TANC2: variants seen among roughly 807,000 people sequenced by gnomAD.
The protein encoded by TANC2 is tetratricopeptide repeat, ankyrin repeat and coiled-coil containing 2.
In TANC2, 26 loss-of-function variants were observed where a neutral mutation model predicts 210.5. The ratio of observed to expected loss-of-function variants is 0.12; its 90% CI spans 0.09 to 0.17. The LOEUF is 0.17. Among genes scored for constraint, TANC2 ranks in the 10% least tolerant of loss-of-function variants. The pLI is 1.00. For missense variants in TANC2, 2,129 were observed against 2,608.9 expected (o/e 0.82, Z 4.01); for synonymous variants, 931 against 967.1 (o/e 0.96, Z 0.69).
exon 21 of TANC2, chr17:63,406,210 C>T (rs1432297658): frequency 1.2e-6 from 2 of 1,613,848 alleles, no homozygotes; most frequent in African/African-American, 2.7e-5. Flanking sequence ...ACAAGCAGGG[C>T]CGCACTCCCC....
At chr17:63,224,666 A>G (rs778485622) in intron 7 of TANC2, among the ~76,000 whole-genome samples, 1 of 152,296 alleles carries the variant, frequency 6.6e-6, no homozygotes, top group South Asian at 2.1e-4. Context: ...TATTAACTGC[A>G]CTTAGAGAGG....
intron 14 of TANC2, among the ~76,000 whole-genome samples, chr17:63,364,787 TAA>T (rs948340292): frequency 2.1e-5 from 3 of 142,400 alleles, no homozygotes; most frequent in African/African-American, 7.7e-5. Flanking sequence ...CCCTGACTCT[TAA>T]AAAAAAAAAA....
intron 8 of TANC2, among the ~76,000 whole-genome samples, chr17:63,261,863 T>G (rs2043367242): frequency 6.6e-6 from 1 of 152,218 alleles, no homozygotes; most frequent in Non-Finnish European, 1.5e-5. Flanking sequence ...GTATCTTTCA[T>G]GTAATTGAAG....
exon 12 of TANC2, chr17:63,340,136 C>G: frequency 6.2e-7 from 1 of 1,613,864 alleles, no homozygotes; most frequent in Non-Finnish European, 8.5e-7. Flanking sequence ...CAGATAATGC[C>G]TACACTTGCT....
chr17:62,969,203 G>C (rs2031542711), intron 1 of TANC2, among the ~76,000 whole-genome samples: 1 of 152,164 alleles, frequency 6.6e-6, no homozygotes, highest in Non-Finnish European at 1.5e-5. Flanking sequence ...CCCGTTGTAC[G>C]TTGTTTTAAT....
intron 26 of TANC2, among the ~76,000 whole-genome samples, chr17:63,417,876 C>G (rs868066464): frequency 6.6e-6 from 1 of 152,150 alleles, no homozygotes; most frequent in Non-Finnish European, 1.5e-5. Flanking sequence ...CTCACCTGTC[C>G]CTTAGAAAGC....
In TANC2 at chr17:63,219,399, GC is replaced by G. The variant is rs2042109001; in HGVS notation, c.770-18412del. Among the ~76,000 whole-genome samples the G allele has an allele frequency of 5.3e-5, 8 of 151,456 alleles. No individual in the cohort carries two copies. In the South Asian group the frequency reaches 1.7e-3, roughly 32 times the overall value. The stretch of plus-strand genomic sequence containing the variant: ...GTAACAATCTGGATGTTGCCTACTG[GC>G]CCACAAAGCCCAAAACATTTACTAT... On this transcript the variant is annotated intron_variant, in intron 7 of 27. Coordinates refer to ENST00000689528, the Ensembl canonical transcript of TANC2.
intron 12 of TANC2, among the ~76,000 whole-genome samples, chr17:63,349,093 G>A (rs1233840114): frequency 1.3e-5 from 2 of 151,620 alleles, no homozygotes; most frequent in Non-Finnish European, 2.9e-5. Context: ...TGACTTGTAA[G>A]TAATTCCTTC....
At chr17:63,306,312 T>G (rs889546470) in intron 9 of TANC2, among the ~76,000 whole-genome samples, 1 of 152,226 alleles carries the variant, frequency 6.6e-6, no homozygotes, top group African/African-American at 2.4e-5. Context: ...ATTTTAATTA[T>G]ACTCAGGATG....
intron 11 of TANC2, chr17:63,320,286 T>C (rs1365751144): frequency 6.6e-6 from 1 of 152,204 alleles, no homozygotes; most frequent in Non-Finnish European, 1.5e-5. Context: ...AGTACAGTTT[T>C]CCACACTTAC....
chr17:63,233,320 T>C (rs569316835), intron 7 of TANC2, among the ~76,000 whole-genome samples: 2 of 152,214 alleles, frequency 1.3e-5, no homozygotes, highest in African/African-American at 4.8e-5. Context: ...AGCTCTGTGC[T>C]TGGGACCCAA....
chr17:63,199,069 C>G (rs1438708878), intron 6 of TANC2, among the ~76,000 whole-genome samples: 1 of 152,028 alleles, frequency 6.6e-6, no homozygotes, highest in East Asian at 1.9e-4. Context: ...AAATCAAAAC[C>G]TAGATTCAAC....
chr17:63,208,151 T>A (rs1215022768), intron 7 of TANC2, among the ~76,000 whole-genome samples: 2 of 152,112 alleles, frequency 1.3e-5, no homozygotes, highest in Non-Finnish European at 2.9e-5. Flanking sequence ...AGTTTTTTTG[T>A]TTTTTCCTTT....
intron 19 of TANC2, among the ~76,000 whole-genome samples, chr17:63,403,724 TAGATAGAACTGGTTTA>T (rs2048412499): frequency 6.6e-6 from 1 of 152,176 alleles, no homozygotes; most frequent in Non-Finnish European, 1.5e-5. Flanking sequence ...AGACAAGCCA[TAGATAGAACTGGTTTA>T]AGAGTGCATG....
intron 7 of TANC2, among the ~76,000 whole-genome samples, chr17:63,207,968 A>G (rs1035744103): frequency 6.6e-6 from 1 of 152,124 alleles, no homozygotes; most frequent in Non-Finnish European, 1.5e-5. Context: ...TGTTTTCTTG[A>G]TTACTGATGA....
chr17:63,286,808 G>T (rs1209228414), intron 9 of TANC2, among the ~76,000 whole-genome samples: 2 of 152,048 alleles, frequency 1.3e-5, no homozygotes, highest in African/African-American at 2.4e-5. Flanking sequence ...TTTTAATTTT[G>T]TATAGTTTCT....
chr17:63,285,731 T>C (rs1012141677), intron 9 of TANC2, among the ~76,000 whole-genome samples: 2 of 152,190 alleles, frequency 1.3e-5, no homozygotes, highest in Non-Finnish European at 2.9e-5. Context: ...GTGTGAAATA[T>C]TGTATACCGG....
intron 7 of TANC2, among the ~76,000 whole-genome samples, chr17:63,220,782 ATG>A (rs1478476971): frequency 6.8e-6 from 1 of 148,006 alleles, no homozygotes; most frequent in Non-Finnish European, 1.5e-5. Flanking sequence ...ATATACATGT[ATG>A]TGTATATATG....
chr17:63,000,057 G>A (rs1397875514), intron 1 of TANC2, among the ~76,000 whole-genome samples: 5 of 152,144 alleles, frequency 3.3e-5, no homozygotes, highest in African/African-American at 9.7e-5. Flanking sequence ...AAGAAAGGAA[G>A]AACACACACC....
Sources: gnomAD v4.1 joint callset for allele counts (sites outside exome capture counted in the v4.1 genomes callset) on GRCh38, gnomAD v4.1.1 for gene constraint, MANE v1.5 for transcripts, NCBI Gene and HGNC (gene_info 2026-07-23, HGNC 2026-07-21) for gene names.